Variants in SORCS1 observed in about 807,000 individuals in gnomAD.
The protein encoded by SORCS1 is sortilin related VPS10 domain containing receptor 1.
In SORCS1, 60 loss-of-function variants were observed where a neutral mutation model predicts 146.1. The observed-to-expected ratio is 0.41, with a 90% CI of 0.33 to 0.51. The LOEUF is 0.51. SORCS1 is among the 20% of genes least tolerant of loss of function. The pLI, the probability that SORCS1 is intolerant of heterozygous loss-of-function variation, is 0.21. For missense variants in SORCS1, 1,352 were observed against 1,487.6 expected (o/e 0.91, Z 1.50); for synonymous variants, 637 against 584.0 (o/e 1.09, Z -1.31).
intron 8 of SORCS1, among the ~76,000 whole-genome samples, chr10:106,705,112 A>T (rs1278319151): frequency 6.6e-6 from 1 of 152,174 alleles, no homozygotes; most frequent in East Asian, 1.9e-4. Flanking sequence ...AAAAAAAAAC[A>T]AACACTTAAG....
At chr10:106,616,442 A>G (rs1024893377) in intron 21 of SORCS1, among the ~76,000 whole-genome samples, 3 of 152,200 alleles carry the variant, frequency 2.0e-5, no homozygotes, top group Non-Finnish European at 4.4e-5. Flanking sequence ...CAAGTTATTC[A>G]TCACTCTGAA....
chr10:107,068,399 A>G (rs1045667367), intron 1 of SORCS1, among the ~76,000 whole-genome samples: 3 of 152,206 alleles, frequency 2.0e-5, no homozygotes, highest in Admixed American at 6.5e-5. Context: ...TTATGAAGTC[A>G]CACATGCCTT....
At chr10:106,948,397 G>A (rs548962678) in intron 2 of SORCS1, among the ~76,000 whole-genome samples, 3 of 152,160 alleles carry the variant, frequency 2.0e-5, no homozygotes, top group Admixed American at 1.3e-4. Context: ...TGTAGGCAGG[G>A]TAGAGTGGCT....
intron 19 of SORCS1, among the ~76,000 whole-genome samples, chr10:106,623,965 G>A (rs565809732): frequency 3.3e-5 from 5 of 152,156 alleles, no homozygotes; most frequent in African/African-American, 9.7e-5. Context: ...GACTACAGGC[G>A]TGAGTCACTG....
intron 1 of SORCS1, among the ~76,000 whole-genome samples, chr10:107,004,133 G>C (rs935209649): frequency 7.7e-6 from 1 of 129,688 alleles, no homozygotes; most frequent in African/African-American, 3.1e-5. Flanking sequence ...CCGAGATTGC[G>C]CCACTGCACT....
chr10:106,802,316 G>A (rs1458994262), intron 3 of SORCS1, among the ~76,000 whole-genome samples: 1 of 152,070 alleles, frequency 6.6e-6, no homozygotes, highest in Non-Finnish European at 1.5e-5. Context: ...CAATGGAAGG[G>A]CCACTTAGCA....
At chr10:106,836,302 GT>G (rs1948782511) in intron 2 of SORCS1, among the ~76,000 whole-genome samples, 1 of 151,694 alleles carries the variant, frequency 6.6e-6, no homozygotes, top group South Asian at 2.1e-4. Flanking sequence ...GTGAAACCCC[GT>G]CTCTACTAAA....
chr10:107,102,099 A>C (rs1964965909), intron 1 of SORCS1, among the ~76,000 whole-genome samples: 1 of 152,192 alleles, frequency 6.6e-6, no homozygotes, highest in South Asian at 2.1e-4. Context: ...ATTTTCCCCT[A>C]ATGACTAGCA....
At chr10:106,988,920 C>T (rs1040793761) in intron 1 of SORCS1, among the ~76,000 whole-genome samples, 3 of 151,910 alleles carry the variant, frequency 2.0e-5, no homozygotes, top group Non-Finnish European at 2.9e-5. Context: ...AAGGATCAAA[C>T]GTCCCTAGGA....
At chr10:106,600,444 A>G (rs532473667) in intron 23 of SORCS1, 2 of 982,520 alleles carry the variant, frequency 2.0e-6, no homozygotes, top group East Asian at 1.1e-4. Context: ...TTTACATTGC[A>G]TATAAGAATA....
Position 106,577,571 on chromosome 10 carries a change from T to C in SORCS1, c.3372-16A>G. 6.2e-7 allele frequency: 1 copy of C among 1,610,288 alleles called. No homozygotes were observed. The highest frequency in any genetic ancestry group is 8.5e-7 in the Non-Finnish European group (1 of 1,177,740). On this transcript the variant is annotated splice_polypyrimidine_tract_variant and intron_variant, in intron 25 of 25. Transcript: ENST00000263054. ...AGCTACTCTCCTAAGAGAAAACGTG[T>C]AACACTTACTCATTTAATGACACTG...
intron 3 of SORCS1, among the ~76,000 whole-genome samples, chr10:106,817,361 C>T (rs559189482): frequency 3.3e-5 from 5 of 152,248 alleles, no homozygotes; most frequent in African/African-American, 1.2e-4. Flanking sequence ...GGAATTTGGG[C>T]CCTTTTTAGA....
intron 18 of SORCS1, among the ~76,000 whole-genome samples, chr10:106,649,966 T>A (rs1484086626): frequency 1.3e-5 from 2 of 152,186 alleles, no homozygotes; most frequent in African/African-American, 4.8e-5. Context: ...ATTACCACTC[T>A]GGGGTTCAAT....
chr10:106,674,255 G>A (rs953397532), intron 14 of SORCS1, among the ~76,000 whole-genome samples: 2 of 142,978 alleles, frequency 1.4e-5, no homozygotes, highest in African/African-American at 2.6e-5. Context: ...CATGAACCCA[G>A]GAGGCAGAGC....
intron 5 of SORCS1, among the ~76,000 whole-genome samples, chr10:106,756,452 G>C (rs1858647592): frequency 6.6e-6 from 1 of 152,148 alleles, no homozygotes; most frequent in Non-Finnish European, 1.5e-5. Context: ...ATGCTAGAAA[G>C]TAAACCTCAG....
At chr10:107,177,848 C>T in the SORCS1 span, among the ~76,000 whole-genome samples, 1 of 152,086 alleles carries the variant, frequency 6.6e-6, no homozygotes, top group Non-Finnish European at 1.5e-5. Context: ...CATTTCTTTG[C>T]AGGGACATGG....
chr10:106,867,437 A>G (rs781331539), intron 2 of SORCS1, among the ~76,000 whole-genome samples: 33 of 152,026 alleles, frequency 2.2e-4, no homozygotes, highest in Middle Eastern at 3.4e-3. Flanking sequence ...GGCACCCACC[A>G]CCACGCCCGG....
At chr10:106,955,016 G>C (rs1954866807) in intron 2 of SORCS1, among the ~76,000 whole-genome samples, 1 of 152,266 alleles carries the variant, frequency 6.6e-6, no homozygotes, top group Non-Finnish European at 1.5e-5. Context: ...ACAACGGGAA[G>C]TAGCAGTGGC....
intron 1 of SORCS1, among the ~76,000 whole-genome samples, chr10:107,136,742 C>G (rs1047481952): frequency 1.3e-5 from 2 of 152,144 alleles, no homozygotes; most frequent in Non-Finnish European, 2.9e-5. Flanking sequence ...GCCAAGATCA[C>G]CCAGCTAGTA....
Sources: allele counts gnomAD v4.1 joint callset (sites outside exome capture counted in the v4.1 genomes callset), GRCh38; gene constraint gnomAD v4.1.1; transcripts MANE v1.5; gene names NCBI Gene and HGNC (gene_info 2026-07-23, HGNC 2026-07-21).